The following NSG2 variants were observed in gnomAD, a reference collection of about 807,000 sequenced individuals.
The protein encoded by NSG2 is neuronal vesicle trafficking associated 2.
Under a neutral mutation model 16.9 loss-of-function variants are expected in NSG2, and 4 were observed. That is an observed-to-expected ratio of 0.24 (90% CI 0.12 to 0.54). NSG2 has a LOEUF of 0.54. NSG2 is among the 20% of genes least tolerant of loss of function. The pLI is 0.95. For synonymous variants in NSG2, 98 were observed against 88.7 expected, an observed-to-expected ratio of 1.11 and a Z score of -0.59; for missense variants, 179 against 221.1, an observed-to-expected ratio of 0.81 and a Z score of 1.21.
chr5:174,089,530 A>C (rs890494548), intron 3 of NSG2, among the ~76,000 whole-genome samples: 1 of 151,286 alleles, frequency 6.6e-6, no homozygotes, highest in Non-Finnish European at 1.5e-5. Flanking sequence ...TGGCCCAAAA[A>C]AGATACCCCA....
At chr5:174,103,974 C>A (rs1184121559) in intron 3 of NSG2, among the ~76,000 whole-genome samples, 2 of 151,550 alleles carry the variant, frequency 1.3e-5, no homozygotes, top group Non-Finnish European at 2.9e-5. Context: ...CTCCATCTCA[C>A]AAAAACAAAC....
intron 3 of NSG2, among the ~76,000 whole-genome samples, chr5:174,069,904 G>A (rs1476766861): frequency 6.8e-6 from 1 of 146,164 alleles, no homozygotes; most frequent in African/African-American, 2.6e-5. Context: ...TTGAGACAAG[G>A]TCTTACTTTG....
At chr5:174,088,816 G>C (rs1760674942) in intron 3 of NSG2, among the ~76,000 whole-genome samples, 2 of 152,182 alleles carry the variant, frequency 1.3e-5, no homozygotes, top group African/African-American at 4.8e-5. Context: ...GACCCAGAAA[G>C]TGATGGGTGG....
At chr5:174,064,669 C>T (rs1209049164) in intron 3 of NSG2, among the ~76,000 whole-genome samples, 2 of 151,832 alleles carry the variant, frequency 1.3e-5, no homozygotes, top group African/African-American at 2.4e-5. Flanking sequence ...TTTAGTCCTT[C>T]GTTGCAACAA....
chr5:174,049,478 T>G (rs181316119), intron 2 of NSG2, among the ~76,000 whole-genome samples: 1 of 152,328 alleles, frequency 6.6e-6, no homozygotes, highest in East Asian at 1.9e-4. Context: ...CTCACACATG[T>G]GTGCAATTTT....
chr5:174,070,256 A>G (rs1407215951), intron 3 of NSG2, among the ~76,000 whole-genome samples: 1 of 152,138 alleles, frequency 6.6e-6, no homozygotes, highest in Non-Finnish European at 1.5e-5. Context: ...TGTCTTAAAT[A>G]TGCTTTTACA....
Position 174,066,989 on chromosome 5 carries a change from C to CAAAA in NSG2, c.213+2698_213+2701dup, listed in dbSNP as rs543368373. On this transcript the variant is annotated intron_variant, in intron 3 of 4. Coordinates refer to ENST00000303177, the MANE Select transcript of NSG2 (RefSeq NM_015980.5). Reference sequence around the variant, plus strand: ...TGGGCGACAGAGCGAGACTCTGTCTCAAAAAAAAAAAAAAAAAAAAAAAAA... The same window carrying CAAAA: ...TGGGCGACAGAGCGAGACTCTGTCTCAAAAAAAAAAAAAAAAAAAAAAAAAAAAA... Among the ~76,000 whole-genome samples the CAAAA allele has an allele frequency of 2.1e-4, 6 of 27,938 alleles. 1 individual carries two copies. Among genetic ancestry groups the CAAAA allele is most frequent in the African/African-American group, 2.9e-4 (3 of 10,228 alleles). 18.3% of individuals were successfully genotyped at this position (27,938 alleles called of 152,430 possible). A position where few individuals can be genotyped will look rare whatever the true frequency, so the allele number is the denominator to read the frequency against.
chr5:174,049,766 TC>T (rs1392174667), intron 2 of NSG2, among the ~76,000 whole-genome samples: 1 of 152,248 alleles, frequency 6.6e-6, no homozygotes, highest in Admixed American at 6.5e-5. Context: ...GTCTGTGTTC[TC>T]TGAGTGGAAA....
At position 174,091,644 on chromosome 5, in the gene NSG2, G is replaced by GGTGTGTGT. The variant is rs35746227; in HGVS notation, c.214-12549_214-12542dup. Among the ~76,000 whole-genome samples the GGTGTGTGT allele has an allele frequency of 1.3e-3, 187 of 139,698 alleles. 1 individual carries two copies. The highest frequency in any genetic ancestry group is 4.2e-3 in the African/African-American group (157 of 37,652). 91.6% of individuals were successfully genotyped at this position (139,698 alleles called of 152,430 possible). ...CCTAGAACTTTCAGGAACTAGGACT[G>GGTGTGTGT]GTGTGTGTGTGTGTGTGTGTGTGTG... On this transcript the variant is annotated intron_variant, in intron 3 of 4. Transcript: ENST00000303177.
Position 174,103,288 on chromosome 5 carries a change from G to A in NSG2, c.214-940G>A, listed in dbSNP as rs182948348. Reference sequence around the variant, plus strand: ...GGTGTATTTGAAGGCAGAAATGATCGTTTCTTCTGGTAGATTGGATGTGGT... The same window carrying A: ...GGTGTATTTGAAGGCAGAAATGATCATTTCTTCTGGTAGATTGGATGTGGT... On this transcript the variant is annotated intron_variant, in intron 3 of 4. Coordinates refer to ENST00000303177, the MANE Select transcript of NSG2 (RefSeq NM_015980.5). Among the ~76,000 whole-genome samples, 121 of 152,202 alleles carry A rather than the reference G, an allele frequency of 7.9e-4. 1 individual carries two copies. Among genetic ancestry groups the A allele is most frequent in the African/African-American group, 2.6e-3 (106 of 41,544 alleles).
chr5:174,078,017 C>T (rs1760377545), intron 3 of NSG2, among the ~76,000 whole-genome samples: 1 of 152,178 alleles, frequency 6.6e-6, no homozygotes, highest in Non-Finnish European at 1.5e-5. Context: ...TTGGAAGCCC[C>T]TAGCCACCTG....
intron 3 of NSG2, among the ~76,000 whole-genome samples, chr5:174,097,782 AGTGTGTGTGTCTCT>A (rs1218166504): frequency 1.4e-5 from 1 of 69,576 alleles, no homozygotes; most frequent in Admixed American, 1.5e-4. Context: ...CCTTTCTCTC[AGTGTGTGTGTCTCT>A]GTGTGTGTGT....
chr5:174,099,535 G>A (rs1760866744), intron 3 of NSG2, among the ~76,000 whole-genome samples: 2 of 151,578 alleles, frequency 1.3e-5, no homozygotes, highest in South Asian at 4.2e-4. Context: ...TCACCTTGTC[G>A]CTTCCCTGCT....
intron 2 of NSG2, among the ~76,000 whole-genome samples, chr5:174,051,233 A>G (rs1487625582): frequency 6.6e-6 from 1 of 152,026 alleles, no homozygotes; most frequent in African/African-American, 2.4e-5. Flanking sequence ...AATGTACAGG[A>G]CACCCAAGTC....
chr5:174,104,384 G>A, intron 4 of NSG2, 46 bp downstream of exon 4: 1 of 1,353,488 alleles, frequency 7.4e-7, no homozygotes, highest in Non-Finnish European at 1.1e-6. Flanking sequence ...AATTCAGTTA[G>A]AGGGTTGATC....
chr5:174,102,376 T>C (rs973700710), intron 3 of NSG2, among the ~76,000 whole-genome samples: 2 of 152,338 alleles, frequency 1.3e-5, no homozygotes, highest in Non-Finnish European at 2.9e-5. Context: ...TTAATTTTAC[T>C]CTTTTTCTGA....
At position 174,102,754 on chromosome 5, in the gene NSG2, T is replaced by TTTTATTTA. The variant is rs1176455020; in HGVS notation, c.214-1437_214-1430dup. ...GCAGAAAAGGGCCATGCTTTGTTTT[T>TTTTATTTA]TTTATTTATTTATTTATTTATTTAT... On this transcript the variant is annotated intron_variant, in intron 3 of 4. Transcript: ENST00000303177. 5.6e-3 allele frequency among the ~76,000 whole-genome samples: 508 copies of TTTTATTTA among 90,850 alleles called. 4 individuals carry two copies. Among genetic ancestry groups the TTTTATTTA allele is most frequent in the East Asian group, 0.029 (127 of 4,312 alleles). The allele number at this position is 90,850 out of a possible 152,430, so 59.6% of individuals were successfully genotyped here.
chr5:174,050,204 A>G (rs1467208345), intron 2 of NSG2, among the ~76,000 whole-genome samples: 1 of 152,232 alleles, frequency 6.6e-6, no homozygotes, highest in Non-Finnish European at 1.5e-5. Flanking sequence ...GTTATCACAA[A>G]GAAGGATATT....
At chr5:174,081,642 T>A (rs1760469104) in intron 3 of NSG2, 1 of 146,474 alleles carries the variant, frequency 6.8e-6, no homozygotes, top group African/African-American at 2.8e-5. Context: ...TGTACGAGCA[T>A]TTTTTTAAAA....
Sources: gnomAD v4.1 joint callset for allele counts (sites outside exome capture counted in the v4.1 genomes callset) on GRCh38, gnomAD v4.1.1 for gene constraint, MANE v1.5 for transcripts, NCBI Gene and HGNC (gene_info 2026-07-23, HGNC 2026-07-21) for gene names.